RBFOX1: variants seen among roughly 807,000 people sequenced by gnomAD.
The protein encoded by RBFOX1 is RNA binding protein fox-1 homolog 1.
In RBFOX1, 8 loss-of-function variants were observed where a neutral mutation model predicts 57.7. The observed-to-expected ratio is 0.14, with a 90% CI of 0.08 to 0.25. The LOEUF is 0.25. RBFOX1 is among the 10% of genes least tolerant of loss of function. The pLI, the probability that RBFOX1 is intolerant of heterozygous loss-of-function variation, is 1.00. For synonymous variants in RBFOX1, 326 were observed against 222.4 expected, an observed-to-expected ratio of 1.47 and a Z score of -4.15; for missense variants, 611 against 548.5, an observed-to-expected ratio of 1.11 and a Z score of -1.14.
At chr16:7,409,376 T>C (rs960899053) in intron 4 of RBFOX1, among the ~76,000 whole-genome samples, 1 of 152,236 alleles carries the variant, frequency 6.6e-6, no homozygotes, top group Non-Finnish European at 1.5e-5. Flanking sequence ...GTTTTATTCA[T>C]TGTGGAGGCA....
chr16:7,522,465 C>T (rs376452389), intron 5 of RBFOX1, among the ~76,000 whole-genome samples: 1 of 152,068 alleles, frequency 6.6e-6, no homozygotes, highest in South Asian at 2.1e-4. Flanking sequence ...CTTTAAAGAC[C>T]TAGAAGACAA....
intron 3 of RBFOX1, among the ~76,000 whole-genome samples, chr16:5,619,161 G>A (rs1384291120): frequency 1.3e-5 from 2 of 152,192 alleles, no homozygotes; most frequent in South Asian, 2.1e-4. Flanking sequence ...TTACCTGTGA[G>A]GCCTCAGCTC....
chr16:7,455,599 C>T (rs1362080104), intron 4 of RBFOX1, among the ~76,000 whole-genome samples: 2 of 151,548 alleles, frequency 1.3e-5, no homozygotes, highest in African/African-American at 4.9e-5. Context: ...CGAGACCAGC[C>T]TAGGCAACGT....
At chr16:5,702,494 G>C (rs777487010) in intron 3 of RBFOX1, among the ~76,000 whole-genome samples, 1 of 152,182 alleles carries the variant, frequency 6.6e-6, no homozygotes, top group South Asian at 2.1e-4. Flanking sequence ...CTAGGCCAGC[G>C]AGGAAACTAA....
intron 3 of RBFOX1, among the ~76,000 whole-genome samples, chr16:5,731,833 C>G (rs1166790419): frequency 6.6e-6 from 1 of 152,156 alleles, no homozygotes; most frequent in Non-Finnish European, 1.5e-5. Context: ...TAATATGTGT[C>G]TTTCTATCCA....
intron 5 of RBFOX1, among the ~76,000 whole-genome samples, chr16:7,542,089 T>C (rs1213789730): frequency 1.3e-5 from 2 of 152,142 alleles, no homozygotes; most frequent in African/African-American, 4.8e-5. Context: ...AGAGCAGCAG[T>C]TCCCTGTTAG....
At chr16:5,339,828 C>A (rs979140480) in intron 1 of RBFOX1, among the ~76,000 whole-genome samples, 1 of 151,974 alleles carries the variant, frequency 6.6e-6, no homozygotes, top group African/African-American at 2.4e-5. Context: ...TCTTGGGAGC[C>A]AGGTGGGAGA....
intron 3 of RBFOX1, among the ~76,000 whole-genome samples, chr16:5,758,252 G>C (rs912535944): frequency 2.0e-5 from 3 of 152,144 alleles, no homozygotes; most frequent in Non-Finnish European, 2.9e-5. Context: ...TTCATGGGGG[G>C]AAAAAGTTGA....
intron 4 of RBFOX1, among the ~76,000 whole-genome samples, chr16:7,198,434 TTA>T (rs2152702144): frequency 6.6e-6 from 1 of 152,358 alleles, no homozygotes; most frequent in African/African-American, 2.4e-5. Context: ...TAATTTTATG[TTA>T]TATGAATTCC....
At chr16:7,061,196 CAA>C (rs1159939173) in intron 4 of RBFOX1, among the ~76,000 whole-genome samples, 1 of 152,166 alleles carries the variant, frequency 6.6e-6, no homozygotes, top group Non-Finnish European at 1.5e-5. Context: ...GGAACTCAGG[CAA>C]ATGATCCCCA....
intron 1 of RBFOX1, among the ~76,000 whole-genome samples, chr16:6,202,317 G>T (rs2152831881): frequency 6.6e-6 from 1 of 152,292 alleles, no homozygotes; most frequent in Admixed American, 6.5e-5. Flanking sequence ...AGGAAGACCT[G>T]ATTGCTCTGA....
intron 3 of RBFOX1, among the ~76,000 whole-genome samples, chr16:6,893,631 G>C (rs944180386): frequency 6.6e-6 from 1 of 152,094 alleles, no homozygotes; most frequent in Non-Finnish European, 1.5e-5. Context: ...GAGAACAAAA[G>C]CCCTGTTCCT....
chr16:6,588,395 G>A (rs2097661403), intron 2 of RBFOX1, among the ~76,000 whole-genome samples: 1 of 152,090 alleles, frequency 6.6e-6, no homozygotes, highest in Non-Finnish European at 1.5e-5. Context: ...GCTCACGCCT[G>A]TAATCCCAGC....
intron 11 of RBFOX1, among the ~76,000 whole-genome samples, chr16:7,636,823 GAGAGAC>G (rs1422526488): frequency 3.5e-5 from 5 of 142,768 alleles, no homozygotes; most frequent in Non-Finnish European, 7.7e-5. Flanking sequence ...TTTCACAAGA[GAGAGAC>G]AGAGACAGAG....
intron 3 of RBFOX1, among the ~76,000 whole-genome samples, chr16:5,644,218 A>G (rs192088049): frequency 2.0e-4 from 30 of 152,290 alleles, no homozygotes; most frequent in African/African-American, 7.2e-4. Flanking sequence ...TTTTCCTTTA[A>G]AAAAAGTAAA....
intron 4 of RBFOX1, among the ~76,000 whole-genome samples, chr16:7,318,903 C>A (rs892099441): frequency 1.3e-5 from 2 of 152,036 alleles, no homozygotes; most frequent in Admixed American, 1.3e-4. Flanking sequence ...GGCTGCTTAG[C>A]GAGGTAGGCA....
chr16:6,157,126 C>G (rs1006409836), intron 1 of RBFOX1, among the ~76,000 whole-genome samples: 3 of 151,890 alleles, frequency 2.0e-5, no homozygotes, highest in Non-Finnish European at 4.4e-5. Context: ...TGAGCCAACA[C>G]CCCTCTAATA....
chr16:6,993,397 T>G (rs1428585859), intron 3 of RBFOX1, among the ~76,000 whole-genome samples: 1 of 152,202 alleles, frequency 6.6e-6, no homozygotes, highest in Non-Finnish European at 1.5e-5. Flanking sequence ...ATTCATTTGC[T>G]TGGGTTCAGG....
At chr16:5,554,480 A>G (rs143491700) in intron 2 of RBFOX1, among the ~76,000 whole-genome samples, 2,990 of 152,294 alleles carry the variant, frequency 0.02, 61 homozygotes, top group African/African-American at 0.047. Flanking sequence ...AAAAATACAA[A>G]CCATATAAAA....
Sources: allele counts gnomAD v4.1 joint callset (sites outside exome capture counted in the v4.1 genomes callset), GRCh38; gene constraint gnomAD v4.1.1; transcripts MANE v1.5; gene names NCBI Gene and HGNC (gene_info 2026-07-23, HGNC 2026-07-21).